Variants in PCCA observed in about 807,000 individuals in gnomAD.
PCCA encodes propionyl-CoA carboxylase subunit alpha.
PCCA carries 74 observed loss-of-function variants against 101.3 expected under a neutral mutation model. The observed-to-expected ratio is 0.73, with a 90% confidence interval of 0.61 to 0.89. The LOEUF (loss-of-function observed/expected upper bound fraction) is 0.89, where lower values mean the gene tolerates loss of function less well. Ranked by LOEUF, PCCA falls within the 40% of genes least tolerant of loss-of-function variation. The pLI, the probability that PCCA is intolerant of heterozygous loss-of-function variation, is 0.00. For synonymous variants in PCCA, 294 were observed against 313.6 expected, an observed-to-expected ratio of 0.94 and a Z score of 0.66; for missense variants, 891 against 907.0, an observed-to-expected ratio of 0.98 and a Z score of 0.23.
At chr13:100,492,771 G>A (rs2084996946) in intron 21 of PCCA, among the ~76,000 whole-genome samples, 1 of 151,080 alleles carries the variant, frequency 6.6e-6, no homozygotes, top group Non-Finnish European at 1.5e-5. Flanking sequence ...AGCAGAGAAG[G>A]AGAAAAGAAA....
At chr13:100,101,218 T>G (rs1594080950) in intron 1 of PCCA, among the ~76,000 whole-genome samples, 1 of 152,208 alleles carries the variant, frequency 6.6e-6, no homozygotes, top group African/African-American at 2.4e-5. Context: ...ATCATATCTT[T>G]GAGTAGATAT....
chr13:100,499,665 G>A (rs768755296), intron 21 of PCCA, among the ~76,000 whole-genome samples: 2 of 152,224 alleles, frequency 1.3e-5, no homozygotes, highest in Non-Finnish European at 1.5e-5. Flanking sequence ...TGCTGCATCC[G>A]TACCTCTGTT....
At chr13:100,177,921 A>G (rs1281129327) in intron 6 of PCCA, among the ~76,000 whole-genome samples, 2 of 151,978 alleles carry the variant, frequency 1.3e-5, no homozygotes, top group Admixed American at 1.3e-4. Flanking sequence ...TTTTTTGATA[A>G]TCATTAATAT....
intron 16 of PCCA, among the ~76,000 whole-genome samples, chr13:100,327,716 T>A (rs2068847867): frequency 6.6e-6 from 1 of 152,236 alleles, no homozygotes; most frequent in South Asian, 2.1e-4. Flanking sequence ...ATATCCTGAC[T>A]AGCACTTGCT....
At chr13:100,452,283 G>A (rs1010346698) in intron 21 of PCCA, among the ~76,000 whole-genome samples, 9 of 148,878 alleles carry the variant, frequency 6.0e-5, no homozygotes, top group Admixed American at 2.7e-4. Context: ...GTGTCCCCAC[G>A]CCCCCCACTC....
chr13:100,427,051 C>A (rs1481709015), intron 20 of PCCA, among the ~76,000 whole-genome samples: 1 of 152,070 alleles, frequency 6.6e-6, no homozygotes, highest in Non-Finnish European at 1.5e-5. Context: ...ACCCTGTCTC[C>A]ACTACAAATA....
Position 100,207,675 on chromosome 13 carries a change from C to T in PCCA, c.469-1657C>T, listed in dbSNP as rs1264599416. Among the ~76,000 whole-genome samples the T allele has an allele frequency of 3.3e-5, 5 of 152,086 alleles. No homozygotes were observed. The East Asian group carries it at 9.9e-4, about 30-fold the overall frequency. On this transcript the variant is annotated intron_variant, in intron 6 of 23. Coordinates refer to ENST00000376285, the MANE Select transcript of PCCA (RefSeq NM_000282.4). ...GAGTACAGGTATGAGCCACCACACC[C>T]GGACTGCCATTCACAGCTTTTAATT... is the stretch of plus-strand genomic sequence containing the variant.
intron 7 of PCCA, 52 bp downstream of exon 7, chr13:100,209,515 G>C (rs756711059): frequency 6.7e-7 from 1 of 1,500,890 alleles, no homozygotes; most frequent in Non-Finnish European, 9.3e-7. Flanking sequence ...TAAACATTTT[G>C]TCAAAAGTAT....
At chr13:100,233,920 C>T (rs34689498) in intron 7 of PCCA, among the ~76,000 whole-genome samples, 21,638 of 152,172 alleles carry the variant, frequency 0.14, 1,698 homozygotes, top group Middle Eastern at 0.22. Context: ...TGTATCCATA[C>T]ACACCCAGCT....
chr13:100,139,464 A>G (rs2051598083), intron 4 of PCCA, among the ~76,000 whole-genome samples: 1 of 151,462 alleles, frequency 6.6e-6, no homozygotes, highest in Admixed American at 6.6e-5. Context: ...TCTGTTGATC[A>G]GTCTTCAGAT....
At chr13:100,151,841 C>A (rs1387372883) in intron 4 of PCCA, among the ~76,000 whole-genome samples, 1 of 151,958 alleles carries the variant, frequency 6.6e-6, no homozygotes, top group Admixed American at 6.6e-5. Flanking sequence ...TATGTATTTC[C>A]TTTGCCATTA....
intron 6 of PCCA, among the ~76,000 whole-genome samples, chr13:100,186,747 A>T (rs1053836981): frequency 6.6e-6 from 1 of 150,958 alleles, no homozygotes. Flanking sequence ...TCAAAAAAAA[A>T]ACAAAAAAAA....
chr13:100,476,379 A>G (rs891991392), intron 21 of PCCA, among the ~76,000 whole-genome samples: 3 of 152,238 alleles, frequency 2.0e-5, no homozygotes, highest in African/African-American at 7.2e-5. Flanking sequence ...AGTCATTTAG[A>G]TATTAATCCT....
At chr13:100,408,120 C>T (rs1354322899) in intron 19 of PCCA, among the ~76,000 whole-genome samples, 1 of 152,206 alleles carries the variant, frequency 6.6e-6, no homozygotes, top group African/African-American at 2.4e-5. Flanking sequence ...CGACTGCACT[C>T]CAGCCTGGGT....
intron 19 of PCCA, among the ~76,000 whole-genome samples, chr13:100,417,000 C>T (rs558981616): frequency 1.1e-4 from 17 of 151,862 alleles, no homozygotes; most frequent in South Asian, 6.3e-4. Flanking sequence ...TGTGCCACCA[C>T]GCCTGGCTAA....
chr13:100,291,630 G>C (rs1268286818), intron 12 of PCCA, among the ~76,000 whole-genome samples: 3 of 152,210 alleles, frequency 2.0e-5, no homozygotes, highest in East Asian at 3.8e-4. Flanking sequence ...TCAGTACTAA[G>C]TTCTGCTTCT....
intron 4 of PCCA, among the ~76,000 whole-genome samples, chr13:100,139,314 T>C (rs1043477457): frequency 1.4e-4 from 22 of 152,066 alleles, no homozygotes; most frequent in Non-Finnish European, 2.6e-4. Flanking sequence ...AAAAAAAATA[T>C]TTTCTCAGCA....
intron 9 of PCCA, among the ~76,000 whole-genome samples, chr13:100,259,771 T>C (rs1323670631): frequency 6.6e-6 from 1 of 152,220 alleles, no homozygotes; most frequent in Non-Finnish European, 1.5e-5. Flanking sequence ...ACTGATTGTG[T>C]CTATATTTTT....
intron 20 of PCCA, among the ~76,000 whole-genome samples, chr13:100,440,159 TATATATATATATATATATATATA>T (rs2080243661): frequency 6.5e-4 from 1 of 1,536 alleles, no homozygotes; most frequent in African/African-American, 7.2e-3. Context: ...TATTAAATTA[TATATATATATATATATATATATA>T]TATATATATA....
Sources: allele counts gnomAD v4.1 joint callset (sites outside exome capture counted in the v4.1 genomes callset), GRCh38; gene constraint gnomAD v4.1.1; transcripts MANE v1.5; gene names NCBI Gene and HGNC (gene_info 2026-07-23, HGNC 2026-07-21).